The following UST variants were observed in gnomAD, a reference collection of about 807,000 sequenced individuals.
UST encodes the protein uronyl 2-sulfotransferase.
Under a neutral mutation model 45.6 loss-of-function variants are expected in UST, and 21 were observed. The observed-to-expected ratio is 0.46, with a 90% CI of 0.33 to 0.66. The LOEUF (loss-of-function observed/expected upper bound fraction) is 0.66. Ranked by LOEUF, UST falls within the 30% of genes least tolerant of loss-of-function variation. UST has a pLI of 0.02. For missense variants in UST, 463 were observed against 512.4 expected, an observed-to-expected ratio of 0.90 and a Z score of 0.93; for synonymous variants, 215 against 200.6, an observed-to-expected ratio of 1.07 and a Z score of -0.61.
chr6:149,017,758 T>A (rs776596184), intron 5 of UST, among the ~76,000 whole-genome samples: 3 of 151,634 alleles, frequency 2.0e-5, no homozygotes, highest in Non-Finnish European at 4.4e-5. Flanking sequence ...CCATATTTTG[T>A]TGTAATAAAT....
intron 1 of UST, among the ~76,000 whole-genome samples, chr6:148,861,739 C>T (rs554392546): frequency 6.6e-6 from 1 of 152,230 alleles, no homozygotes; most frequent in Non-Finnish European, 1.5e-5. Context: ...TTATTTCTGC[C>T]TTCATTTCAT....
intron 3 of UST, among the ~76,000 whole-genome samples, chr6:148,947,759 A>G (rs922021611): frequency 2.6e-5 from 4 of 152,174 alleles, no homozygotes; most frequent in African/African-American, 9.7e-5. Context: ...GAGTGGGGAC[A>G]GTGTCCACAG....
chr6:148,782,796 T>C (rs1034572195), intron 1 of UST, among the ~76,000 whole-genome samples: 1 of 152,190 alleles, frequency 6.6e-6, no homozygotes, highest in African/African-American at 2.4e-5. Context: ...CTTCTTGAGA[T>C]GGAATCTACT....
chr6:149,044,251 C>T (rs1776365590), intron 7 of UST, among the ~76,000 whole-genome samples: 2 of 152,290 alleles, frequency 1.3e-5, no homozygotes, highest in South Asian at 4.1e-4. Flanking sequence ...CAGCCTGAGA[C>T]TTCTACCAGT....
At chr6:148,986,950 C>T (rs1386179776) in intron 5 of UST, among the ~76,000 whole-genome samples, 1 of 152,246 alleles carries the variant, frequency 6.6e-6, no homozygotes, top group Non-Finnish European at 1.5e-5. Context: ...GATTGATATA[C>T]ATCATCACCC....
intron 2 of UST, among the ~76,000 whole-genome samples, chr6:148,905,453 C>A (rs1779337572): frequency 1.3e-5 from 2 of 152,220 alleles, no homozygotes; most frequent in African/African-American, 4.8e-5. Flanking sequence ...GTCAATGTAT[C>A]CCCCTAAAAC....
intron 5 of UST, among the ~76,000 whole-genome samples, chr6:149,010,613 G>A (rs1040598918): frequency 4.0e-5 from 6 of 151,720 alleles, no homozygotes; most frequent in Non-Finnish European, 8.8e-5. Context: ...TGACTATTTC[G>A]GCCGGGTCCA....
At chr6:148,860,480 C>G (rs558929056) in intron 1 of UST, among the ~76,000 whole-genome samples, 120 of 152,188 alleles carry the variant, frequency 7.9e-4, no homozygotes, top group African/African-American at 2.6e-3. Flanking sequence ...AATTGAATAC[C>G]CTTTATTTCT....
chr6:148,920,160 C>A (rs527905603), intron 2 of UST, among the ~76,000 whole-genome samples: 1 of 146,382 alleles, frequency 6.8e-6, no homozygotes, highest in Non-Finnish European at 1.5e-5. Context: ...AAGCTTAGAC[C>A]GGCTTGTGAT....
chr6:149,034,913 A>C (rs556750252), intron 7 of UST, among the ~76,000 whole-genome samples: 5 of 98,734 alleles, frequency 5.1e-5, no homozygotes, highest in African/African-American at 1.5e-4. Context: ...TTGTCTCTTT[A>C]TTCCTTTTAT....
intron 1 of UST, among the ~76,000 whole-genome samples, chr6:148,853,911 A>G (rs1204470223): frequency 6.6e-6 from 1 of 152,130 alleles, no homozygotes; most frequent in East Asian, 1.9e-4. Context: ...TGCATACCCA[A>G]AATACTGGGG....
chr6:148,885,476 A>G (rs1489954113), intron 1 of UST, among the ~76,000 whole-genome samples: 1 of 152,222 alleles, frequency 6.6e-6, no homozygotes, highest in Non-Finnish European at 1.5e-5. Flanking sequence ...TCAGAAGTAC[A>G]TTAATTAAGG....
rs142062772 is a variant in UST, at chr6:148,750,884, G to A, written c.247+3207G>A. Among the ~76,000 whole-genome samples the A allele has an allele frequency of 4.0e-3, 612 of 152,272 alleles. 3 individuals are homozygous for A. Among genetic ancestry groups the A allele is most frequent in the African/African-American group, 0.014 (579 of 41,548 alleles). ...TTGGTCGGACTCGCATCTTCCGGGC[G>A]TTTTCTCTTTCTTTAGCAGTTGTGC... On this transcript the variant is annotated intron_variant, in intron 1 of 7. Coordinates refer to ENST00000367463, the MANE Select transcript of UST (RefSeq NM_005715.3).
chr6:148,943,263 A>C (rs1369893031), intron 3 of UST, among the ~76,000 whole-genome samples: 1 of 152,214 alleles, frequency 6.6e-6, no homozygotes, highest in African/African-American at 2.4e-5. Context: ...CATAAAACAC[A>C]GTTGCTAGAT....
chr6:148,922,050 G>A (rs910950062), intron 2 of UST, among the ~76,000 whole-genome samples: 2 of 152,144 alleles, frequency 1.3e-5, no homozygotes, highest in Non-Finnish European at 2.9e-5. Flanking sequence ...GTCTCATGGT[G>A]GGGAAGAGAG....
intron 2 of UST, among the ~76,000 whole-genome samples, chr6:148,919,420 G>A (rs1264125187): frequency 4.9e-5 from 2 of 41,122 alleles, no homozygotes; most frequent in African/African-American, 1.2e-4. Context: ...TCAGAGCCGT[G>A]TGTGTGTGTG....
At chr6:148,946,770 C>T (rs1409668946) in intron 3 of UST, among the ~76,000 whole-genome samples, 8 of 124,600 alleles carry the variant, frequency 6.4e-5, no homozygotes, top group African/African-American at 1.3e-4. Flanking sequence ...GCCGAGATTG[C>T]GCCACTGCAC....
At position 148,790,679 on chromosome 6, in the gene UST, G is replaced by A. The variant is rs533825036; in HGVS notation, c.247+43002G>A. ...CAGCCTGGAAGGAGTGCTGTGCCCC[G>A]TGTGGAAGGAAACCTCCTCGCCCAA... On this transcript the variant is annotated intron_variant, in intron 1 of 7. Coordinates refer to ENST00000367463, the MANE Select transcript of UST (RefSeq NM_005715.3). This position sits in a 1 kb window ranked among gnomAD's most constrained non-coding sequence, Gnocchi z 4.2. Among the ~76,000 whole-genome samples the A allele has an allele frequency of 2.0e-4, 31 of 152,250 alleles. 1 individual carries two copies. Among genetic ancestry groups the A allele is most frequent in the South Asian group, 1.2e-3 (6 of 4,822 alleles).
intron 1 of UST, among the ~76,000 whole-genome samples, chr6:148,786,530 C>T (rs187200622): frequency 2.1e-4 from 32 of 152,260 alleles, no homozygotes; most frequent in African/African-American, 6.7e-4. Context: ...AGGATAATGA[C>T]CTCCAGCTCC....
Sources: allele counts gnomAD v4.1 joint callset (sites outside exome capture counted in the v4.1 genomes callset), GRCh38; gene constraint gnomAD v4.1.1; non-coding constraint Gnocchi (gnomAD v3.1); transcripts MANE v1.5; gene names NCBI Gene and HGNC (gene_info 2026-07-23, HGNC 2026-07-21).